Variants in TMCO6 observed in about 807,000 individuals in gnomAD.
TMCO6 encodes the protein transmembrane and coiled-coil domains 6.
A neutral mutation model predicts 61.8 loss-of-function variants in TMCO6; 47 were observed. The ratio of observed to expected loss-of-function variants is 0.76; its 90% confidence interval spans 0.60 to 0.97. The LOEUF (loss-of-function observed/expected upper bound fraction) is 0.97, where lower values mean the gene tolerates loss of function less well. Among genes scored for constraint, TMCO6 ranks in the 50% least tolerant of loss-of-function variants. TMCO6 has a pLI of 0.00. For synonymous variants in TMCO6, 261 were observed against 254.2 expected, an observed-to-expected ratio of 1.03 and a Z score of -0.25; for missense variants, 557 against 601.6, an observed-to-expected ratio of 0.93 and a Z score of 0.78.
At position 140,639,523 on chromosome 5, in the gene TMCO6, C is replaced by T. The variant is rs1389806503; in HGVS notation, c.-5C>T. On this transcript the variant is annotated 5_prime_UTR_variant, in exon 1 of 12. Transcript: ENST00000394671. The stretch of plus-strand genomic sequence containing the variant: ...TTCCTTCGGCTTTCCTCCTCCTGCT[C>T]CACCATGTGGAGCCGACGGCAGGGC... The T allele has an allele frequency of 1.3e-6, 2 of 1,549,854 alleles. No individual in the cohort carries two copies. The highest frequency in any genetic ancestry group is 2.4e-5 in the East Asian group (1 of 40,900).
At chr5:140,623,533 C>G in the TMCO6 span, among the ~76,000 whole-genome samples, 27 of 152,240 alleles carry the variant, frequency 1.8e-4, no homozygotes, top group African/African-American at 5.5e-4. Flanking sequence ...CCATCGGTCT[C>G]TCTGATTCCT....
the TMCO6 span, among the ~76,000 whole-genome samples, chr5:140,623,076 A>G: frequency 6.6e-6 from 1 of 152,200 alleles, no homozygotes. Context: ...TGGAACAGGA[A>G]TTAAAAGAAA....
At chr5:140,630,833 G>C in the TMCO6 span, among the ~76,000 whole-genome samples, 1 of 152,210 alleles carries the variant, frequency 6.6e-6, no homozygotes, top group African/African-American at 2.4e-5. Context: ...ATTGGCCAGA[G>C]GCAGGTGCTG....
chr5:140,631,691 C>T, the TMCO6 span: 1 of 662,546 alleles, frequency 1.5e-6, no homozygotes, highest in Non-Finnish European at 2.6e-6. Flanking sequence ...CAGCACATAG[C>T]AGACATCCAA....
At chr5:140,643,289 C>T (rs965390692) in intron 7 of TMCO6, 8 of 598,786 alleles carry the variant, frequency 1.3e-5, no homozygotes, top group Non-Finnish European at 1.4e-5. Context: ...CTCTGCCTCC[C>T]GGGTTCAAGC....
chr5:140,632,098 G>A, the TMCO6 span: 9 of 1,614,206 alleles, frequency 5.6e-6, no homozygotes, highest in Non-Finnish European at 7.6e-6. The surrounding 1 kb of genome is among the most constrained non-coding windows in gnomAD (Gnocchi z 6.2). Context: ...AGCTTGGCTG[G>A]CAGTCCTTTA....
chr5:140,613,118 C>T, the TMCO6 span, among the ~76,000 whole-genome samples: 36 of 152,208 alleles, frequency 2.4e-4, no homozygotes, highest in Admixed American at 1.5e-3. Flanking sequence ...GGGCCGGGCA[C>T]GGTGGCTCAT....
chr5:140,597,099 CT>C, the TMCO6 span, among the ~76,000 whole-genome samples: 23 of 152,162 alleles, frequency 1.5e-4, no homozygotes, highest in Non-Finnish European at 2.5e-4. Flanking sequence ...AGGCCACCCC[CT>C]AGCCTTTTCA....
the TMCO6 span, among the ~76,000 whole-genome samples, chr5:140,607,186 A>G: frequency 6.6e-6 from 1 of 152,158 alleles, no homozygotes; most frequent in Non-Finnish European, 1.5e-5. Context: ...CCATTATGCA[A>G]TAACTCCCTG....
chr5:140,613,386 TAAAAAAAAAAAAA>T, the TMCO6 span, among the ~76,000 whole-genome samples: 2 of 87,436 alleles, frequency 2.3e-5, no homozygotes, highest in South Asian at 4.1e-4. Flanking sequence ...AGACTCTGAC[TAAAAAAAAAAAAA>T]AAAAAAAAAA....
chr5:140,645,485 A>G (rs1464714381), downstream of TMCO6: 1 of 1,464,028 alleles, frequency 6.8e-7, no homozygotes, highest in Admixed American at 1.8e-5. Context: ...ATTTTACAGC[A>G]CAAGCTTTAT....
chr5:140,616,071 G>A, the TMCO6 span, among the ~76,000 whole-genome samples: 9 of 152,216 alleles, frequency 5.9e-5, no homozygotes, highest in African/African-American at 1.9e-4. Context: ...GGTGGAGGTT[G>A]CAGTGAGCCG....
chr5:140,628,681 C>G, the TMCO6 span, among the ~76,000 whole-genome samples: 425 of 152,288 alleles, frequency 2.8e-3, 3 homozygotes, highest in Middle Eastern at 0.014. Flanking sequence ...CTCCAGTGAG[C>G]CACCCACCTC....
the TMCO6 span, among the ~76,000 whole-genome samples, chr5:140,601,441 A>T: frequency 6.6e-6 from 1 of 152,218 alleles, no homozygotes; most frequent in Non-Finnish European, 1.5e-5. Flanking sequence ...TGGATAAATC[A>T]TATTTGTCCA....
chr5:140,635,683 G>A (rs1756756081), upstream of TMCO6, among the ~76,000 whole-genome samples: 1 of 152,184 alleles, frequency 6.6e-6, no homozygotes, highest in Non-Finnish European at 1.5e-5. Flanking sequence ...CCAGGAGGTG[G>A]GTAGAGCAAA....
At position 140,644,656 on chromosome 5, in the gene TMCO6, G is replaced by A. The variant is rs1213945777; in HGVS notation, c.1284G>A (p.Leu428=). The part of the protein sequence containing the change: ...RLWPGPLLPA[L]LHTLAFSDTE... ...GGCCAGGGCCCCTGCTTCCCGCCTT[G>A]CTGCACACACTAGCCTTTTCTGACA... Residue 428 remains leucine, a synonymous_variant, in exon 11 of 12, where the codon TTG becomes TTA. Transcript: ENST00000394671. 5.0e-6 allele frequency: 8 copies of A among 1,614,098 alleles called. No homozygotes were observed. Among genetic ancestry groups the A allele is most frequent in the African/African-American group, 1.3e-5 (1 of 74,934 alleles).
At chr5:140,632,360 G>A in the TMCO6 span, 1 of 1,614,094 alleles carries the variant, frequency 6.2e-7, no homozygotes, top group Admixed American at 1.7e-5. This position sits in a 1 kb window ranked among gnomAD's most constrained non-coding sequence, Gnocchi z 6.2. Context: ...GTCCGCGTTC[G>A]CCCAGTCCAG....
At chr5:140,642,793 G>A (rs1032202668) in intron 6 of TMCO6, 122 bp downstream of exon 6, 42 of 1,587,256 alleles carry the variant, frequency 2.6e-5, no homozygotes, top group Non-Finnish European at 3.5e-5. Flanking sequence ...GGCTAGGAAG[G>A]GCTTTGGGTT....
the TMCO6 span, among the ~76,000 whole-genome samples, chr5:140,607,986 C>T: frequency 5.3e-5 from 8 of 152,080 alleles, no homozygotes; most frequent in Admixed American, 3.3e-4. Context: ...GACAGGGTTT[C>T]TCTATGTTGG....
Sources: gnomAD v4.1 joint callset for allele counts (sites outside exome capture counted in the v4.1 genomes callset) on GRCh38, gnomAD v4.1.1 for gene constraint, Gnocchi (gnomAD v3.1) non-coding constraint, MANE v1.5 for transcripts, NCBI Gene and HGNC (gene_info 2026-07-23, HGNC 2026-07-21) for gene names.